Variants in PSMA3 observed in about 807,000 individuals in gnomAD.
PSMA3 encodes proteasome subunit alpha type-3.
PSMA3 carries 8 observed loss-of-function variants against 40.0 expected under a neutral mutation model. The ratio of observed to expected loss-of-function variants is 0.20; its 90% confidence interval spans 0.12 to 0.36. The LOEUF is 0.36. PSMA3 is among the 10% of genes least tolerant of loss of function. The probability of loss-of-function intolerance (pLI) is 1.00; values close to 1 mark genes in which losing one functional copy is unlikely to be tolerated. For synonymous variants in PSMA3, 110 were observed against 100.0 expected (o/e 1.10, Z -0.59); for missense variants, 219 against 310.6 (o/e 0.70, Z 2.22).
intron 6 of PSMA3, 104 bp downstream of exon 6, chr14:58,261,124 C>T: frequency 4.3e-6 from 3 of 704,820 alleles, no homozygotes; most frequent in Non-Finnish European, 4.5e-6. Context: ...AAAACTCATT[C>T]AAGGAAAGTA....
At chr14:58,271,148 AAT>A (rs1219140851) in intron 10 of PSMA3, 150 bp downstream of exon 10, 1 of 466,580 alleles carries the variant, frequency 2.1e-6, no homozygotes, top group Non-Finnish European at 3.8e-6. Flanking sequence ...TGTGTTGAAT[AAT>A]ATAAATAGAC....
intron 10 of PSMA3, among the ~76,000 whole-genome samples, chr14:58,271,498 T>G (rs974833036): frequency 6.6e-6 from 1 of 151,968 alleles, no homozygotes; most frequent in Non-Finnish European, 1.5e-5. Flanking sequence ...CCTGGCTACT[T>G]TTGTATTTTT....
At chr14:58,263,292 C>T (rs973049681) in intron 6 of PSMA3, among the ~76,000 whole-genome samples, 2 of 151,950 alleles carry the variant, frequency 1.3e-5, no homozygotes, top group South Asian at 2.1e-4. Flanking sequence ...GCTGTGCATC[C>T]TTATCTTTAA....
At chr14:58,258,108 G>C in intron 5 of PSMA3, 110 bp downstream of exon 5, 2 of 802,224 alleles carry the variant, frequency 2.5e-6, no homozygotes, top group South Asian at 1.6e-5. Flanking sequence ...TCGTCGATAA[G>C]TATTAGGGCA....
At position 58,263,700 on chromosome 14, in the gene PSMA3, A is replaced by T. The variant is rs779989893; in HGVS notation, c.478-5A>T. 16 of 1,610,170 alleles carry T rather than the reference A, an allele frequency of 9.9e-6. No homozygotes were observed. The highest frequency in any genetic ancestry group is 1.3e-5 in the African/African-American group (1 of 74,764). On this transcript the variant is annotated splice_polypyrimidine_tract_variant and splice_region_variant and intron_variant, in intron 6 of 10. Coordinates refer to ENST00000216455, the MANE Select transcript of PSMA3 (RefSeq NM_002788.4). ...CAGTGATTATATATATTTTTTTCTAAATAGGGTTATTGGGGCTGTGCCATC... is the reference window on the plus strand; with the variant it reads ...CAGTGATTATATATATTTTTTTCTATATAGGGTTATTGGGGCTGTGCCATC...
At chr14:58,258,339 T>G (rs1309793611) in intron 5 of PSMA3, 1 of 182,084 alleles carries the variant, frequency 5.5e-6, no homozygotes, top group Non-Finnish European at 1.2e-5. Flanking sequence ...ACTTAGGAGC[T>G]GCTTGAGAGG....
At chr14:58,257,487 G>C (rs1387545665) in intron 3 of PSMA3, among the ~76,000 whole-genome samples, 1 of 150,648 alleles carries the variant, frequency 6.6e-6, no homozygotes, top group Non-Finnish European at 1.5e-5. Context: ...GACAGAGCGA[G>C]ACCCCGTATC....
At chr14:58,265,474 T>G (rs1890412312) in intron 7 of PSMA3, 1 of 152,196 alleles carries the variant, frequency 6.6e-6, no homozygotes, top group Non-Finnish European at 1.5e-5. Flanking sequence ...TGTGTAAGTT[T>G]TATTGGAACA....
rs1890154281 is a variant in PSMA3 at position 58,256,789 on chromosome 14, A to G, written c.229-956A>G. 2.6e-5 allele frequency among the ~76,000 whole-genome samples: 4 copies of G among 152,188 alleles called. 1 individual carries two copies. The South Asian group carries it at 8.3e-4, about 32-fold the overall frequency. ...AGCGTTTTAAATTTCAGATTTTTGG[A>G]TTAGATATCCTCAACCTGTAATAAC... On this transcript the variant is annotated intron_variant, in intron 3 of 10. Transcript: ENST00000216455.
intron 8 of PSMA3, 76 bp from the exon 9 acceptor site, chr14:58,270,342 G>T: frequency 3.2e-6 from 5 of 1,574,062 alleles, no homozygotes; most frequent in Non-Finnish European, 4.3e-6. Flanking sequence ...ATTCTAATTT[G>T]TACTGACTTT....
intron 3 of PSMA3, among the ~76,000 whole-genome samples, chr14:58,254,977 A>G (rs936645123): frequency 1.3e-5 from 2 of 152,182 alleles, no homozygotes; most frequent in Admixed American, 6.5e-5. Flanking sequence ...AGCGTAGGAA[A>G]AAAAGGCTAT....
intron 3 of PSMA3, among the ~76,000 whole-genome samples, chr14:58,252,947 G>A (rs909930168): frequency 6.6e-5 from 10 of 150,498 alleles, no homozygotes; most frequent in Non-Finnish European, 1.0e-4. Flanking sequence ...GTTTAATCTT[G>A]ACAACCCAGT....
intron 5 of PSMA3, among the ~76,000 whole-genome samples, chr14:58,258,694 A>G (rs1890203968): frequency 6.6e-6 from 1 of 152,132 alleles, no homozygotes; most frequent in Non-Finnish European, 1.5e-5. Context: ...AAGACCTGGA[A>G]TAGGTATAAA....
chr14:58,265,079 G>C (rs1393568506), intron 7 of PSMA3: 2 of 152,178 alleles, frequency 1.3e-5, no homozygotes, highest in African/African-American at 4.8e-5. Flanking sequence ...CTGGGCAAAA[G>C]AGTAAGACCC....
At chr14:58,269,354 C>CA (rs1451809186) in intron 8 of PSMA3, among the ~76,000 whole-genome samples, 2 of 151,924 alleles carry the variant, frequency 1.3e-5, no homozygotes, top group African/African-American at 2.4e-5. Flanking sequence ...ATAAAATGGA[C>CA]AAGGAGCTTA....
intron 2 of PSMA3, 93 bp from the exon 3 acceptor site, chr14:58,252,025 TA>T: frequency 7.4e-7 from 1 of 1,349,138 alleles, no homozygotes; most frequent in African/African-American, 1.5e-5. Context: ...TGGCATGCCT[TA>T]AATGTTACTT....
intron 6 of PSMA3, among the ~76,000 whole-genome samples, chr14:58,261,863 G>C (rs1413094276): frequency 6.6e-6 from 1 of 151,954 alleles, no homozygotes; most frequent in Admixed American, 6.6e-5. Context: ...CAGTCCTCCT[G>C]CCTTGGACTC....
chr14:58,256,602 C>T (rs1487770779), intron 3 of PSMA3, among the ~76,000 whole-genome samples: 9 of 151,098 alleles, frequency 6.0e-5, no homozygotes, highest in African/African-American at 1.5e-4. Context: ...TTAGTAGAGA[C>T]GGCATTTCAC....
intron 5 of PSMA3, 133 bp from the exon 6 acceptor site, chr14:58,260,815 A>G (rs1019501944): frequency 4.8e-5 from 26 of 536,214 alleles, no homozygotes; most frequent in African/African-American, 1.2e-4. Flanking sequence ...CACTGTTTCA[A>G]AGTACTTACT....
Sources: allele counts gnomAD v4.1 joint callset (sites outside exome capture counted in the v4.1 genomes callset), GRCh38; gene constraint gnomAD v4.1.1; transcripts MANE v1.5; gene names NCBI Gene and HGNC (gene_info 2026-07-23, HGNC 2026-07-21).